The following RANBP2 variants were observed in gnomAD, a reference collection of about 807,000 sequenced individuals.
RANBP2 encodes E3 SUMO-protein ligase RanBP2.
In RANBP2, 57 loss-of-function variants were observed where a neutral mutation model predicts 303.6. The ratio of observed to expected loss-of-function variants is 0.19; its 90% CI spans 0.15 to 0.23. RANBP2 has a LOEUF of 0.23. RANBP2 is among the 10% of genes least tolerant of loss of function. The pLI, the probability that RANBP2 is intolerant of heterozygous loss-of-function variation, is 1.00. For missense variants in RANBP2, 3,138 were observed against 3,780.8 expected (o/e 0.83, Z 4.46); for synonymous variants, 1,167 against 1,301.5 (o/e 0.90, Z 2.23).
the RANBP2 span, among the ~76,000 whole-genome samples, chr2:109,180,957 T>C: frequency 1.3e-5 from 2 of 152,178 alleles, no homozygotes; most frequent in Admixed American, 6.5e-5. Context: ...ATGCAATATG[T>C]TTACCCTGAT....
At chr2:108,954,138 C>T in the RANBP2 span, among the ~76,000 whole-genome samples, 1 of 152,092 alleles carries the variant, frequency 6.6e-6, no homozygotes, top group South Asian at 2.1e-4. Flanking sequence ...ATTCCCTCAC[C>T]ACCTTCTTAT....
chr2:109,312,874 G>A, the RANBP2 span, among the ~76,000 whole-genome samples: 2 of 152,116 alleles, frequency 1.3e-5, no homozygotes, highest in Admixed American at 1.3e-4. Flanking sequence ...TTAGATTTTG[G>A]GTGTATACCT....
the RANBP2 span, among the ~76,000 whole-genome samples, chr2:108,813,427 A>T: frequency 6.6e-6 from 1 of 152,142 alleles, no homozygotes; most frequent in Non-Finnish European, 1.5e-5. Flanking sequence ...TTTAAAATAT[A>T]CTTTCATTTG....
At chr2:109,400,662 A>G in the RANBP2 span, among the ~76,000 whole-genome samples, 1 of 148,602 alleles carries the variant, frequency 6.7e-6, no homozygotes, top group South Asian at 2.2e-4. Context: ...AGACATTTAT[A>G]CATGCGCACA....
chr2:109,302,077 G>A, the RANBP2 span, among the ~76,000 whole-genome samples: 4 of 152,300 alleles, frequency 2.6e-5, no homozygotes, highest in Admixed American at 2.6e-4. Flanking sequence ...TCTGCCCACT[G>A]TGTCTTCTCT....
At chr2:109,055,487 G>A in the RANBP2 span, among the ~76,000 whole-genome samples, 2 of 150,588 alleles carry the variant, frequency 1.3e-5, no homozygotes, top group Non-Finnish European at 3.0e-5. Context: ...TCAGCCTCTC[G>A]AGTAGCAGGA....
chr2:109,359,363 G>A, the RANBP2 span, among the ~76,000 whole-genome samples: 573 of 152,290 alleles, frequency 3.8e-3, 2 homozygotes, highest in African/African-American at 0.013. Context: ...AAGTTGAAAA[G>A]AACTGACATC....
chr2:109,130,620 T>C, the RANBP2 span, among the ~76,000 whole-genome samples: 9 of 152,086 alleles, frequency 5.9e-5, no homozygotes. Context: ...TTTGGAGGAA[T>C]GCTTCTAGTA....
At chr2:109,614,885 C>T in the RANBP2 span, 24 of 1,426,102 alleles carry the variant, frequency 1.7e-5, no homozygotes, top group Admixed American at 6.8e-4. Context: ...GACAGGGCCG[C>T]GAGCTGGGCG....
the RANBP2 span, among the ~76,000 whole-genome samples, chr2:109,012,482 A>G: frequency 1.4e-5 from 2 of 146,658 alleles, no homozygotes; most frequent in African/African-American, 4.9e-5. Flanking sequence ...AAGCAGAAGG[A>G]ACGGCGGAGA....
the RANBP2 span, among the ~76,000 whole-genome samples, chr2:109,067,650 G>A: frequency 5.8e-4 from 89 of 152,334 alleles, no homozygotes; most frequent in Middle Eastern, 6.8e-3. Context: ...AGAATATTTA[G>A]TAGATGTTGC....
the RANBP2 span, chr2:108,910,381 C>A: frequency 1.7e-6 from 2 of 1,191,596 alleles, no homozygotes; most frequent in South Asian, 2.5e-5. Flanking sequence ...TCAGTTCACT[C>A]GGCTGCACCC....
intron 4 of RANBP2, among the ~76,000 whole-genome samples, chr2:108,733,335 G>A (rs1489317797): frequency 7.5e-6 from 1 of 133,624 alleles, no homozygotes; most frequent in Non-Finnish European, 1.5e-5. Flanking sequence ...GTGCTACCTC[G>A]GCTCACTGCA....
chr2:109,127,746 G>A, the RANBP2 span: 4 of 152,180 alleles, frequency 2.6e-5, no homozygotes, highest in African/African-American at 2.4e-5. Context: ...CTATTCAGGA[G>A]GCTGAGGTGA....
At chr2:109,461,765 G>A in the RANBP2 span, among the ~76,000 whole-genome samples, 1 of 152,212 alleles carries the variant, frequency 6.6e-6, no homozygotes, top group Non-Finnish European at 1.5e-5. Context: ...GGGTCATGTG[G>A]CCCAAGTGGT....
chr2:109,487,297 A>C, the RANBP2 span, among the ~76,000 whole-genome samples: 1 of 152,164 alleles, frequency 6.6e-6, no homozygotes, highest in African/African-American at 2.4e-5. Flanking sequence ...GTACATGCCA[A>C]CTGTCCATTG....
At chr2:109,118,919 C>A in the RANBP2 span, among the ~76,000 whole-genome samples, 1 of 152,176 alleles carries the variant, frequency 6.6e-6, no homozygotes, top group Non-Finnish European at 1.5e-5. Context: ...AATGTCTAGG[C>A]AGAGGTGGTG....
chr2:109,156,147 T>G, the RANBP2 span, among the ~76,000 whole-genome samples: 1 of 152,234 alleles, frequency 6.6e-6, no homozygotes, highest in Non-Finnish European at 1.5e-5. Flanking sequence ...ATTGTCTGAT[T>G]TGCAGTCCAT....
At chr2:108,872,184 G>A in the RANBP2 span, among the ~76,000 whole-genome samples, 3 of 152,228 alleles carry the variant, frequency 2.0e-5, no homozygotes, top group African/African-American at 7.2e-5. Context: ...TTGCCTCGGA[G>A]AATTCAGAGA....
Sources: allele counts gnomAD v4.1 joint callset (sites outside exome capture counted in the v4.1 genomes callset), GRCh38; gene constraint gnomAD v4.1.1; transcripts MANE v1.5; gene names NCBI Gene and HGNC (gene_info 2026-07-23, HGNC 2026-07-21).